SOX13: variants seen among roughly 807,000 people sequenced by gnomAD.
The protein encoded by SOX13 is transcription factor SOX-13.
SOX13 carries 28 observed loss-of-function variants against 71.8 expected under a neutral mutation model. The observed-to-expected ratio is 0.39, with a 90% confidence interval of 0.29 to 0.53. The LOEUF (loss-of-function observed/expected upper bound fraction) is 0.53. Among genes scored for constraint, SOX13 ranks in the 20% least tolerant of loss-of-function variants. The probability of loss-of-function intolerance (pLI) is 0.70; values close to 1 mark genes in which losing one functional copy is unlikely to be tolerated. For missense variants in SOX13, 627 were observed against 810.3 expected (o/e 0.77, Z 2.75); for synonymous variants, 309 against 317.8 (o/e 0.97, Z 0.29).
chr1:204,121,834 C>T (rs2736719), intron 7 of SOX13, 66 bp from the exon 8 acceptor site: 5 of 1,151,798 alleles, frequency 4.3e-6, no homozygotes, highest in Admixed American at 1.8e-5. Flanking sequence ...GCTGGGACCT[C>T]GTCAAGCAGG....
Position 204,126,538 on chromosome 1 carries a change from C to T in SOX13, c.*404C>T, listed in dbSNP as rs1028636224. 8.1e-6 allele frequency: 2 copies of T among 246,940 alleles called. No homozygotes were observed. 15.3% of individuals were successfully genotyped at this position (246,940 alleles called of 1,614,324 possible). A position where few individuals can be genotyped will look rare whatever the true frequency, so the allele number is the denominator to read the frequency against. On this transcript the variant is annotated 3_prime_UTR_variant, in exon 14 of 14. Transcript: ENST00000367204. ...CAGCCACTGTGGGACCAACACCCCTCCCACACTCCCCCAGACTGCTCGTCT... is the reference window on the plus strand; with the variant it reads ...CAGCCACTGTGGGACCAACACCCCTTCCACACTCCCCCAGACTGCTCGTCT...
Position 204,123,680 on chromosome 1 carries a change from G to C in SOX13, c.1251G>C (p.Glu417Asp), listed in dbSNP as rs773476212. 6.2e-7 allele frequency: 1 copy of C among 1,614,000 alleles called. No individual in the cohort carries two copies. The highest frequency in any genetic ancestry group is 2.2e-5 in the East Asian group (1 of 44,878). The change falls in exon 12 of 14, where the codon GAG (glutamate) becomes GAC (aspartate). Residue 417 changes from glutamate to aspartate, a missense_variant. Transcript: ENST00000367204. The surrounding 1 kb of genome is among the most constrained non-coding windows in gnomAD (Gnocchi z 5.0). Reference sequence around the variant, plus strand: ...TCCCAGGCTCCCGCCACTTCCCCGAGTCCCGAAACAGCAGCCACATCAAGA... The same window carrying C: ...TCCCAGGCTCCCGCCACTTCCCCGACTCCCGAAACAGCAGCCACATCAAGA... ...CDMDGSRHFP[E>D]SRNSSHIKRP... is the part of the protein sequence containing the mutation.
Position 204,123,466 on chromosome 1 carries a change from C to T in SOX13, c.1232-195C>T, listed in dbSNP as rs1656853579. Reference sequence around the variant, plus strand: ...TTTCTTGTGTGTCTGTCTCTGGTTCCCTGGCTGGGCCTCTGCGGATAATTT... The same window carrying T: ...TTTCTTGTGTGTCTGTCTCTGGTTCTCTGGCTGGGCCTCTGCGGATAATTT... On this transcript the variant is annotated intron_variant, in intron 11 of 13. Transcript: ENST00000367204. The surrounding 1 kb of genome is among the most constrained non-coding windows in gnomAD (Gnocchi z 5.0). 6.6e-6 allele frequency among the ~76,000 whole-genome samples: 1 copy of T among 152,208 alleles called. No homozygotes were observed. Among genetic ancestry groups the T allele is most frequent in the Non-Finnish European group, 1.5e-5 (1 of 68,038 alleles).
rs1655915945 is a variant in SOX13 at position 204,081,967 on chromosome 1, C to T, written c.-2+8256C>T. Among the ~76,000 whole-genome samples the T allele has an allele frequency of 6.6e-6, 1 of 151,694 alleles. No homozygotes were observed. Among genetic ancestry groups the T allele is most frequent in the African/African-American group, 2.4e-5 (1 of 41,250 alleles). ...GGCTCAGAGGCAGGTGGGGTGAGGGCAGTGGGGCTTGAATAGGGCGCTGTC... is the reference window on the plus strand; with the variant it reads ...GGCTCAGAGGCAGGTGGGGTGAGGGTAGTGGGGCTTGAATAGGGCGCTGTC... On this transcript the variant is annotated intron_variant, in intron 1 of 13. Transcript: ENST00000367204. This position sits in a 1 kb window ranked among gnomAD's most constrained non-coding sequence, Gnocchi z 4.3.
At chr1:204,094,643 A>G (rs921121523) in intron 1 of SOX13, among the ~76,000 whole-genome samples, 2 of 152,178 alleles carry the variant, frequency 1.3e-5, no homozygotes, top group Admixed American at 6.5e-5. Flanking sequence ...TTCAGTCTCC[A>G]TAGAAAATCC....
At chr1:204,093,923 T>G (rs937052353) in intron 1 of SOX13, among the ~76,000 whole-genome samples, 6 of 152,220 alleles carry the variant, frequency 3.9e-5, no homozygotes, top group African/African-American at 1.4e-4. Context: ...AGCAACACTA[T>G]TATTTCCACT....
intron 4 of SOX13, among the ~76,000 whole-genome samples, chr1:204,115,690 G>A (rs1378470388): frequency 8.6e-6 from 1 of 116,700 alleles, no homozygotes; most frequent in East Asian, 3.0e-4. Flanking sequence ...TTTGGAGAGA[G>A]ACAGCTCGCT....
At chr1:204,122,832 T>C in intron 9 of SOX13, 22 bp from the exon 10 acceptor site, 1 of 1,456,154 alleles carries the variant, frequency 6.9e-7, no homozygotes, top group Non-Finnish European at 9.4e-7. Flanking sequence ...TTCTCTTCCC[T>C]CTCTTCTGCC....
intron 1 of SOX13, among the ~76,000 whole-genome samples, chr1:204,099,744 G>A (rs905680233): frequency 3.3e-5 from 5 of 152,114 alleles, no homozygotes; most frequent in Non-Finnish European, 5.9e-5. Flanking sequence ...GTAAAGTGGA[G>A]ATGATAATAT....
At chr1:204,108,319 A>G (rs539101555) in intron 1 of SOX13, among the ~76,000 whole-genome samples, 3 of 152,338 alleles carry the variant, frequency 2.0e-5, no homozygotes, top group East Asian at 3.9e-4. Flanking sequence ...TGATGCCCAC[A>G]GCACATTTCT....
intron 1 of SOX13, among the ~76,000 whole-genome samples, chr1:204,079,590 G>A (rs888342950): frequency 6.8e-6 from 1 of 147,796 alleles, no homozygotes; most frequent in Non-Finnish European, 1.5e-5. Context: ...CAGGTGATCC[G>A]CCCACCTCAG....
intron 1 of SOX13, among the ~76,000 whole-genome samples, chr1:204,089,633 G>C (rs1021536651): frequency 6.6e-6 from 1 of 152,196 alleles, no homozygotes; most frequent in African/African-American, 2.4e-5. Flanking sequence ...TGCTGAGCTG[G>C]TGGAATTTCA....
chr1:204,086,662 G>C (rs1656028111), intron 1 of SOX13, among the ~76,000 whole-genome samples: 1 of 152,212 alleles, frequency 6.6e-6, no homozygotes, highest in South Asian at 2.1e-4. Context: ...GTTAGAGTCA[G>C]AAAGTTTGGA....
chr1:204,108,938 T>C lies in SOX13; in HGVS notation c.-1-3977T>C, dbSNP rs565980916. 4.6e-5 allele frequency among the ~76,000 whole-genome samples: 7 copies of C among 152,290 alleles called. No individual in the cohort carries two copies. The East Asian group carries it at 1.4e-3, about 29-fold the overall frequency. On this transcript the variant is annotated intron_variant, in intron 1 of 13. Coordinates refer to ENST00000367204, the MANE Select transcript of SOX13 (RefSeq NM_005686.3). Reference sequence around the variant, plus strand: ...ATTAATTCACAGCTTGAGCCCAGGGTTTGTTTGTTATGTAATTGCTGCCTT... The same window carrying C: ...ATTAATTCACAGCTTGAGCCCAGGGCTTGTTTGTTATGTAATTGCTGCCTT...
At chr1:204,086,725 C>T (rs1019284415) in intron 1 of SOX13, among the ~76,000 whole-genome samples, 2 of 152,094 alleles carry the variant, frequency 1.3e-5, no homozygotes, top group Admixed American at 6.6e-5. Context: ...TTTCTTTGAG[C>T]CATATTTTCT....
intron 1 of SOX13, among the ~76,000 whole-genome samples, chr1:204,106,743 G>T (rs559713366): frequency 6.6e-6 from 1 of 152,074 alleles, no homozygotes; most frequent in African/African-American, 2.4e-5. Flanking sequence ...GACCTCAGGC[G>T]ATCTGCCCAC....
At chr1:204,114,284 C>A in intron 2 of SOX13, 37 bp from the exon 3 acceptor site, 1 of 1,422,942 alleles carries the variant, frequency 7.0e-7, no homozygotes, top group South Asian at 1.2e-5. Context: ...GTCCCCTTCT[C>A]TTGGGGGTTA....
chr1:204,081,241 T>G lies in SOX13; in HGVS notation c.-2+7530T>G, dbSNP rs1000741656. Among the ~76,000 whole-genome samples the G allele has an allele frequency of 5.0e-4, 76 of 151,530 alleles. No individual in the cohort carries two copies. Among genetic ancestry groups the G allele is most frequent in the African/African-American group, 1.6e-3 (65 of 41,484 alleles). ...ACTTCTTTCTTTTTTTTAAAGATCG[T>G]GGCTCATATTCGTTTTCTTATTTCT... On this transcript the variant is annotated intron_variant, in intron 1 of 13. Transcript: ENST00000367204. This position sits in a 1 kb window ranked among gnomAD's most constrained non-coding sequence, Gnocchi z 4.3.
At chr1:204,091,189 C>T (rs1450613403) in intron 1 of SOX13, among the ~76,000 whole-genome samples, 2 of 152,170 alleles carry the variant, frequency 1.3e-5, no homozygotes, top group East Asian at 3.9e-4. Flanking sequence ...ACTTTCCCTT[C>T]CCTGCCAGGG....
Sources: gnomAD v4.1 joint callset for allele counts (sites outside exome capture counted in the v4.1 genomes callset) on GRCh38, gnomAD v4.1.1 for gene constraint, Gnocchi (gnomAD v3.1) non-coding constraint, MANE v1.5 for transcripts, NCBI Gene and HGNC (gene_info 2026-07-23, HGNC 2026-07-21) for gene names.